The following NEK6 variants were observed in gnomAD, a reference collection of about 807,000 sequenced individuals.
NEK6 encodes serine/threonine-protein kinase Nek6.
NEK6 carries 27 observed loss-of-function variants against 43.5 expected under a neutral mutation model. The observed-to-expected ratio is 0.62, with a 90% CI of 0.46 to 0.86. The LOEUF is 0.86. Ranked by LOEUF, NEK6 falls within the 40% of genes least tolerant of loss-of-function variation. The pLI is 0.00. For synonymous variants in NEK6, 167 were observed against 164.1 expected (o/e 1.02, Z -0.14); for missense variants, 318 against 414.4 (o/e 0.77, Z 2.02).
intron 1 of NEK6, chr9:124,293,149 G>T: frequency 8.6e-7 from 1 of 1,165,122 alleles, no homozygotes. Context: ...TCAGGCAAAT[G>T]ATTAAAATGC....
At chr9:124,308,428 G>A (rs1356413012) in intron 2 of NEK6, among the ~76,000 whole-genome samples, 1 of 152,158 alleles carries the variant, frequency 6.6e-6, no homozygotes, top group Non-Finnish European at 1.5e-5. Flanking sequence ...GAGGCAGGTG[G>A]ATCACCTGAG....
Position 124,326,332 on chromosome 9 carries a change from C to G in NEK6, c.408C>G (p.Tyr136Ter). ...DAGDLSQMIK[Y>*]FKKQKRLIPE... Reference sequence around the variant, plus strand: ...TCTGCTTGTCTCCCCCACTGCAGTACTTTAAGAAGCAGAAGCGGCTCATCC... The same window carrying G: ...TCTGCTTGTCTCCCCCACTGCAGTAGTTTAAGAAGCAGAAGCGGCTCATCC... Residue 136 changes from tyrosine to a stop codon, truncating the protein, a stop_gained and splice_region_variant, in exon 6 of 10, where the codon TAC becomes TAG. Transcript: ENST00000320246. LOFTEE classifies it high-confidence loss of function. This position sits in a 1 kb window ranked among gnomAD's most constrained non-coding sequence, Gnocchi z 4.5. The G allele has an allele frequency of 6.2e-7, 1 of 1,610,040 alleles. No homozygotes were observed. The highest frequency in any genetic ancestry group is 8.5e-7 in the Non-Finnish European group (1 of 1,179,202).
chr9:124,305,126 G>A (rs539383342), intron 2 of NEK6, among the ~76,000 whole-genome samples: 7 of 152,352 alleles, frequency 4.6e-5, no homozygotes, highest in East Asian at 3.9e-4. Context: ...GTGCTCTTCC[G>A]AGAGAACTTC....
intron 4 of NEK6, among the ~76,000 whole-genome samples, chr9:124,316,016 C>G (rs1833801515): frequency 6.6e-6 from 1 of 152,214 alleles, no homozygotes; most frequent in African/African-American, 2.4e-5. Context: ...CCAAGGCAGC[C>G]CAGTTGTCAT....
intron 2 of NEK6, among the ~76,000 whole-genome samples, chr9:124,311,065 G>A (rs969609800): frequency 2.0e-5 from 3 of 152,210 alleles, no homozygotes; most frequent in African/African-American, 4.8e-5. Flanking sequence ...CCCAGGAGAC[G>A]TGCCCCTGCT....
At chr9:124,312,899 G>C (rs867750218) in intron 3 of NEK6, among the ~76,000 whole-genome samples, 10 of 152,350 alleles carry the variant, frequency 6.6e-5, no homozygotes, top group Middle Eastern at 3.4e-3. Context: ...AGCACATGGA[G>C]CCTCTCAACA....
chr9:124,292,905 G>A (rs1361740359), intron 1 of NEK6: 9 of 1,500,132 alleles, frequency 6.0e-6, no homozygotes, highest in East Asian at 5.0e-5. Flanking sequence ...GGAGCTGGGA[G>A]TGACGGGGTG....
At chr9:124,303,000 C>T (rs573961145) in intron 2 of NEK6, among the ~76,000 whole-genome samples, 5 of 152,220 alleles carry the variant, frequency 3.3e-5, no homozygotes, top group Non-Finnish European at 7.3e-5. Flanking sequence ...TCTGCTCTTA[C>T]GGAGCACACA....
intron 2 of NEK6, among the ~76,000 whole-genome samples, chr9:124,303,732 A>G (rs562982802): frequency 2.6e-4 from 39 of 152,346 alleles, no homozygotes; most frequent in African/African-American, 8.9e-4. Flanking sequence ...AAGCCCCAGG[A>G]CACTGTGGGT....
chr9:124,291,354 C>T (rs778525358), intron 1 of NEK6, among the ~76,000 whole-genome samples: 2 of 152,174 alleles, frequency 1.3e-5, no homozygotes, highest in Non-Finnish European at 2.9e-5. Context: ...GGGCCGGTCA[C>T]GGTGGCTCAC....
At chr9:124,293,837 A>G (rs769145253) in intron 1 of NEK6, among the ~76,000 whole-genome samples, 12 of 152,282 alleles carry the variant, frequency 7.9e-5, no homozygotes, top group Admixed American at 4.6e-4. Flanking sequence ...CAGAGGAGGC[A>G]GACATGCTGA....
At chr9:124,268,558 G>T (rs1312445258) in intron 1 of NEK6, among the ~76,000 whole-genome samples, 1 of 152,226 alleles carries the variant, frequency 6.6e-6, no homozygotes, top group East Asian at 1.9e-4. Context: ...GACACTTGTG[G>T]TGTTTTGATG....
chr9:124,307,814 G>A (rs962390551), intron 2 of NEK6, among the ~76,000 whole-genome samples: 18 of 152,158 alleles, frequency 1.2e-4, no homozygotes, highest in African/African-American at 4.1e-4. Context: ...ACAGGTGCAC[G>A]TCGTCAGCCC....
At chr9:124,329,343 C>G (rs555712373) in intron 7 of NEK6, among the ~76,000 whole-genome samples, 1 of 152,390 alleles carries the variant, frequency 6.6e-6, no homozygotes, top group South Asian at 2.1e-4. Flanking sequence ...GAGCCTTTCT[C>G]TGTCCCACTG....
chr9:124,260,553 C>T (rs955571792), intron 1 of NEK6, among the ~76,000 whole-genome samples: 1 of 152,130 alleles, frequency 6.6e-6, no homozygotes, highest in African/African-American at 2.4e-5. Flanking sequence ...GGTGCCACCA[C>T]GCCCAGATAA....
At chr9:124,300,339 C>T (rs1156537751) in intron 1 of NEK6, among the ~76,000 whole-genome samples, 2 of 152,078 alleles carry the variant, frequency 1.3e-5, no homozygotes, top group African/African-American at 4.8e-5. Flanking sequence ...CTGTGACAGC[C>T]CGGAGGGTGT....
intron 5 of NEK6, among the ~76,000 whole-genome samples, chr9:124,323,546 C>G (rs895085182): frequency 6.6e-6 from 1 of 152,150 alleles, no homozygotes; most frequent in Non-Finnish European, 1.5e-5. Flanking sequence ...TGCTGCCACA[C>G]GGGAACGCAG....
At chr9:124,314,882 C>T (rs894803191) in intron 4 of NEK6, among the ~76,000 whole-genome samples, 1 of 152,152 alleles carries the variant, frequency 6.6e-6, no homozygotes, top group Non-Finnish European at 1.5e-5. Context: ...CTGGTCTCAA[C>T]CTCCTGACCT....
chr9:124,313,481 C>G (rs1833650899), intron 3 of NEK6, among the ~76,000 whole-genome samples: 1 of 152,128 alleles, frequency 6.6e-6, no homozygotes, highest in Admixed American at 6.5e-5. Context: ...GATTCTCCTG[C>G]CTAGGTCTCT....
Sources: allele counts gnomAD v4.1 joint callset (sites outside exome capture counted in the v4.1 genomes callset), GRCh38; gene constraint gnomAD v4.1.1; non-coding constraint Gnocchi (gnomAD v3.1); transcripts MANE v1.5; gene names NCBI Gene and HGNC (gene_info 2026-07-23, HGNC 2026-07-21).